The following TRAPPC9 variants were observed in gnomAD, a reference collection of about 807,000 sequenced individuals.
TRAPPC9 encodes the protein trafficking protein particle complex subunit 9, also known as IKK2 binding protein.
In TRAPPC9, 83 loss-of-function variants were observed where a neutral mutation model predicts 124.0. The ratio of observed to expected loss-of-function variants is 0.67; its 90% confidence interval spans 0.56 to 0.80. TRAPPC9 has a LOEUF of 0.80. Ranked by LOEUF, TRAPPC9 falls within the 30% of genes least tolerant of loss-of-function variation. The probability of loss-of-function intolerance (pLI) is 0.00; values close to 1 mark genes in which losing one functional copy is unlikely to be tolerated. For synonymous variants in TRAPPC9, 638 were observed against 617.5 expected, an observed-to-expected ratio of 1.03 and a Z score of -0.49; for missense variants, 1,302 against 1,508.3, an observed-to-expected ratio of 0.86 and a Z score of 2.27.
At chr8:139,759,393 T>C (rs889335236) in intron 21 of TRAPPC9, among the ~76,000 whole-genome samples, 2 of 152,118 alleles carry the variant, frequency 1.3e-5, no homozygotes, top group Non-Finnish European at 2.9e-5. Flanking sequence ...ATGAGTACTA[T>C]TGCCATGAGG....
chr8:140,317,545 G>A (rs2066472288), intron 9 of TRAPPC9, among the ~76,000 whole-genome samples: 1 of 152,172 alleles, frequency 6.6e-6, no homozygotes. Context: ...TTTGCTACTG[G>A]ATTCTCATGG....
intron 9 of TRAPPC9, among the ~76,000 whole-genome samples, chr8:140,344,989 C>T (rs2067296974): frequency 6.6e-6 from 1 of 152,236 alleles, no homozygotes; most frequent in Non-Finnish European, 1.5e-5. Context: ...GCCACGACAG[C>T]GTCAAGGTTT....
intron 15 of TRAPPC9, among the ~76,000 whole-genome samples, chr8:140,254,358 T>C (rs971226480): frequency 2.6e-5 from 4 of 152,268 alleles, no homozygotes; most frequent in Non-Finnish European, 4.4e-5. Context: ...TCCCTCTCCA[T>C]ACCCCAAAGC....
intron 21 of TRAPPC9, among the ~76,000 whole-genome samples, chr8:139,804,023 C>T (rs1177037456): frequency 1.3e-5 from 2 of 151,986 alleles, no homozygotes; most frequent in African/African-American, 2.4e-5. Flanking sequence ...AGCACCACCA[C>T]CACTATCCAT....
At chr8:140,116,152 G>A (rs1436792682) in intron 17 of TRAPPC9, among the ~76,000 whole-genome samples, 1 of 152,188 alleles carries the variant, frequency 6.6e-6, no homozygotes, top group Non-Finnish European at 1.5e-5. Context: ...GGCAGGGTGT[G>A]TGTCTGTCTG....
At chr8:140,189,472 A>C (rs2131069786) in intron 17 of TRAPPC9, among the ~76,000 whole-genome samples, 1 of 152,358 alleles carries the variant, frequency 6.6e-6, no homozygotes, top group Admixed American at 6.5e-5. Context: ...CCAAGCAGTA[A>C]CTTAAAAATA....
At chr8:140,260,899 T>A (rs371607013) in intron 15 of TRAPPC9, among the ~76,000 whole-genome samples, 115 of 152,180 alleles carry the variant, frequency 7.6e-4, no homozygotes, top group African/African-American at 2.7e-3. Flanking sequence ...AAGGAGAGGC[T>A]CATGAAGGTG....
chr8:140,024,455 T>C (rs1489815667), intron 17 of TRAPPC9, among the ~76,000 whole-genome samples: 2 of 151,802 alleles, frequency 1.3e-5, no homozygotes, highest in Non-Finnish European at 2.9e-5. Context: ...CTGGAGGCAG[T>C]GGCACAAACT....
At chr8:139,818,197 T>A (rs1455282456) in intron 21 of TRAPPC9, among the ~76,000 whole-genome samples, 1 of 152,188 alleles carries the variant, frequency 6.6e-6, no homozygotes, top group Non-Finnish European at 1.5e-5. Context: ...ATGCCCTGTC[T>A]CTAGGTGCTG....
chr8:140,285,226 T>C (rs1196748831), intron 13 of TRAPPC9, among the ~76,000 whole-genome samples: 1 of 152,188 alleles, frequency 6.6e-6, no homozygotes, highest in African/African-American at 2.4e-5. Context: ...CTCTGACTCC[T>C]CAACTGTGAA....
chr8:139,877,811 C>T (rs1468045027), intron 21 of TRAPPC9, among the ~76,000 whole-genome samples: 3 of 152,202 alleles, frequency 2.0e-5, no homozygotes, highest in African/African-American at 7.2e-5. Flanking sequence ...CACTAAGTAT[C>T]TTCACTTTAC....
chr8:139,841,572 A>G (rs73726678), intron 21 of TRAPPC9, among the ~76,000 whole-genome samples: 27,839 of 152,234 alleles, frequency 0.18, 5,519 homozygotes, highest in African/African-American at 0.5. Flanking sequence ...TGGCCAATCC[A>G]TCCCAGGGCA....
rs528825293 is a variant in TRAPPC9, at chr8:140,348,325, A to G, written c.1495+11725T>C. Among the ~76,000 whole-genome samples, 17 of 152,334 alleles carry G rather than the reference A, an allele frequency of 1.1e-4. No individual in the cohort carries two copies. The South Asian group carries it at 3.5e-3, about 32-fold the overall frequency. On this transcript the variant is annotated intron_variant, in intron 9 of 22. Coordinates refer to ENST00000438773, the MANE Select transcript of TRAPPC9 (RefSeq NM_001160372.4). ...GAAGACTGGAAAAGAACTTCACATAAAAGAGATACAACAAACAAACCTGCA... is the reference window on the plus strand; with the variant it reads ...GAAGACTGGAAAAGAACTTCACATAGAAGAGATACAACAAACAAACCTGCA...
rs759266906 is a variant in TRAPPC9 at position 139,885,057 on chromosome 8, G to C, written c.3055+822C>G. ...TTAATGAACCGGATCCTGGATCAAA[G>C]AGGAGCTACTCATTCACAATGACCT... is the stretch of plus-strand genomic sequence containing the variant. On this transcript the variant is annotated intron_variant, in intron 21 of 22. Transcript: ENST00000438773. Among the ~76,000 whole-genome samples, 45 of 152,230 alleles carry C rather than the reference G, an allele frequency of 3.0e-4. 1 individual carries two copies. Among genetic ancestry groups the C allele is most frequent in the Admixed American group, 1.3e-4 (2 of 15,286 alleles).
At chr8:140,405,795 C>A in intron 5 of TRAPPC9, 97 bp from the exon 6 acceptor site, 1 of 1,379,114 alleles carries the variant, frequency 7.3e-7, no homozygotes. Context: ...TTAAATATGC[C>A]CTACTGAAAT....
At chr8:139,980,390 C>A (rs1468445634) in intron 19 of TRAPPC9, among the ~76,000 whole-genome samples, 6 of 152,176 alleles carry the variant, frequency 3.9e-5, no homozygotes, top group Non-Finnish European at 7.3e-5. Context: ...AAATAACAAC[C>A]AACTACTTGA....
intron 17 of TRAPPC9, among the ~76,000 whole-genome samples, chr8:140,200,495 G>A (rs1254319897): frequency 2.0e-5 from 3 of 152,024 alleles, no homozygotes; most frequent in African/African-American, 7.2e-5. Flanking sequence ...ACACGACCCC[G>A]GCCAGGCGAT....
chr8:140,379,752 C>T (rs953431254), intron 7 of TRAPPC9, among the ~76,000 whole-genome samples: 12 of 152,142 alleles, frequency 7.9e-5, no homozygotes, highest in African/African-American at 1.7e-4. Flanking sequence ...ACAATCTATA[C>T]GCTTAATAAA....
intron 19 of TRAPPC9, among the ~76,000 whole-genome samples, chr8:139,956,551 C>T (rs566092166): frequency 6.6e-6 from 1 of 152,346 alleles, no homozygotes; most frequent in Non-Finnish European, 1.5e-5. Flanking sequence ...TATTTCTCCA[C>T]CCTCCACCAC....
Sources: allele counts gnomAD v4.1 joint callset (sites outside exome capture counted in the v4.1 genomes callset), GRCh38; gene constraint gnomAD v4.1.1; transcripts MANE v1.5; gene names NCBI Gene and HGNC (gene_info 2026-07-23, HGNC 2026-07-21).